The following MAPKAPK5 variants were observed in gnomAD, a reference collection of about 807,000 sequenced individuals.
The protein encoded by MAPKAPK5 is MAP kinase-activated protein kinase 5.
MAPKAPK5 carries 30 observed loss-of-function variants against 65.1 expected under a neutral mutation model. The ratio of observed to expected loss-of-function variants is 0.46; its 90% CI spans 0.34 to 0.63. The LOEUF (loss-of-function observed/expected upper bound fraction) is 0.63. MAPKAPK5 is among the 20% of genes least tolerant of loss of function. The probability of loss-of-function intolerance (pLI) is 0.01; values close to 1 mark genes in which losing one functional copy is unlikely to be tolerated. For synonymous variants in MAPKAPK5, 179 were observed against 204.6 expected, an observed-to-expected ratio of 0.87 and a Z score of 1.07; for missense variants, 433 against 581.4, an observed-to-expected ratio of 0.74 and a Z score of 2.63.
chr12:111,847,180 TA>T (rs922823787), intron 1 of MAPKAPK5, among the ~76,000 whole-genome samples: 21 of 150,660 alleles, frequency 1.4e-4, no homozygotes, highest in South Asian at 4.2e-4. Flanking sequence ...CCATCTCTAC[TA>T]AAAAAAACAA....
intron 7 of MAPKAPK5, among the ~76,000 whole-genome samples, chr12:111,872,892 A>G (rs936333141): frequency 2.0e-5 from 3 of 152,178 alleles, no homozygotes; most frequent in African/African-American, 7.2e-5. Context: ...TTGTTCTGCA[A>G]TACAAGGTAA....
At chr12:111,886,666 CT>C (rs1799987104) in intron 10 of MAPKAPK5, among the ~76,000 whole-genome samples, 1 of 152,212 alleles carries the variant, frequency 6.6e-6, no homozygotes, top group Admixed American at 6.5e-5. Flanking sequence ...ATAATTTGGC[CT>C]CACTAATGGG....
At chr12:111,857,660 A>AT (rs1402376809) in intron 1 of MAPKAPK5, among the ~76,000 whole-genome samples, 2 of 152,032 alleles carry the variant, frequency 1.3e-5, no homozygotes, top group African/African-American at 4.8e-5. Flanking sequence ...GTGTTTATTT[A>AT]TTTGATAATG....
chr12:111,870,331 G>GA lies in MAPKAPK5; in HGVS notation c.458dup (p.Asn153LysfsTer5). ...CATTGCGCACAGAGACCTCAAGCCT[G>GA]AAAATCTGCTTTTTAAGGATAACTC... On this transcript the variant is annotated frameshift_variant, in exon 6 of 14. Transcript: ENST00000550735. LOFTEE classifies it high-confidence loss of function. The GA allele has an allele frequency of 6.2e-7, 1 of 1,610,826 alleles. No homozygotes were observed. The highest frequency in any genetic ancestry group is 8.5e-7 in the Non-Finnish European group (1 of 1,177,328).
chr12:111,883,468 C>G lies in MAPKAPK5; in HGVS notation c.661-113C>G. 2 of 810,254 alleles carry G rather than the reference C, an allele frequency of 2.5e-6. No individual in the cohort carries two copies. The highest frequency in any genetic ancestry group is 5.0e-5 in the East Asian group (2 of 40,028). 50.2% of individuals were successfully genotyped at this position (810,254 alleles called of 1,614,324 possible). A position where few individuals can be genotyped will look rare whatever the true frequency, so the allele number is the denominator to read the frequency against. Reference sequence around the variant, plus strand: ...AGCTTTCCTAGTCTCTGTTAAGTGACTCTAGTTTATATCAGCCTATATATT... The same window carrying G: ...AGCTTTCCTAGTCTCTGTTAAGTGAGTCTAGTTTATATCAGCCTATATATT... On this transcript the variant is annotated intron_variant, in intron 8 of 13. Transcript: ENST00000550735. The surrounding 1 kb of genome is among the most constrained non-coding windows in gnomAD (Gnocchi z 4.8).
At chr12:111,871,369 G>A (rs548414968) in intron 7 of MAPKAPK5, among the ~76,000 whole-genome samples, 189 bp downstream of exon 7, 7 of 152,098 alleles carry the variant, frequency 4.6e-5, no homozygotes, top group East Asian at 3.9e-4. Context: ...AGCCAGGTGC[G>A]GTGGCTCACG....
At chr12:111,881,691 C>A (rs2136138918) in intron 8 of MAPKAPK5, among the ~76,000 whole-genome samples, 1 of 152,290 alleles carries the variant, frequency 6.6e-6, no homozygotes, top group East Asian at 1.9e-4. Context: ...CAGGCGTGAG[C>A]CACCGTGCCC....
intron 1 of MAPKAPK5, among the ~76,000 whole-genome samples, chr12:111,864,109 A>G (rs1281503082): frequency 1.3e-5 from 2 of 151,218 alleles, no homozygotes; most frequent in East Asian, 3.9e-4. Flanking sequence ...TCTCTAAAAA[A>G]AGAAAAAAGA....
In MAPKAPK5 at chr12:111,899,897, A is replaced by G. The variant is rs1050262572; in HGVS notation, c.*6836A>G. 8 of 455,942 alleles carry G rather than the reference A, an allele frequency of 1.8e-5. No individual in the cohort carries two copies. The highest frequency in any genetic ancestry group is 1.2e-4 in the Admixed American group (5 of 42,562). 28.2% of individuals were successfully genotyped at this position (455,942 alleles called of 1,614,324 possible). On this transcript the variant is annotated 3_prime_UTR_variant, in exon 14 of 14. Transcript: ENST00000550735. ...CTCCTGTGGTGTCTACTAGCTGGCA[A>G]CAAGGGAGCAGGAAGCCTCATGATC...
At position 111,893,713 on chromosome 12, in the gene MAPKAPK5, C is replaced by CT. The variant is rs1055678464; in HGVS notation, c.*671dup. On this transcript the variant is annotated 3_prime_UTR_variant, in exon 14 of 14. Coordinates refer to ENST00000550735, the MANE Select transcript of MAPKAPK5 (RefSeq NM_003668.4). ...AACAGGGTTTTCTTTTGGGTTTATT[C>CT]TTTTTTTTTTTTTTTTTTTGAGACA... 7,283 of 129,380 alleles carry CT rather than the reference C, an allele frequency of 0.056. 299 individuals carry two copies. Among genetic ancestry groups the CT allele is most frequent in the Middle Eastern group, 0.16 (38 of 244 alleles). 8.0% of individuals were successfully genotyped at this position (129,380 alleles called of 1,614,324 possible).
intron 2 of MAPKAPK5, among the ~76,000 whole-genome samples, chr12:111,865,915 A>G (rs926588857): frequency 2.7e-5 from 4 of 149,292 alleles, no homozygotes; most frequent in Admixed American, 6.7e-5. Context: ...TGAGGCCATT[A>G]TTTTTTCATT....
rs1300203779 is a variant in MAPKAPK5, at chr12:111,868,804, C to T, written c.336C>T (p.His112=). 2 of 1,569,382 alleles carry T rather than the reference C, an allele frequency of 1.3e-6. No individual in the cohort carries two copies. The highest frequency in any genetic ancestry group is 1.7e-6 in the Non-Finnish European group (2 of 1,157,526). The stretch of plus-strand genomic sequence containing the variant: ...TGATGGAAGGGGGAGAGCTATTTCA[C>T]AGAATCAGCCAGCACCGGCACTTTA... ...MEMMEGGELF[H]RISQHRHFTE... Residue 112 remains histidine (H), a synonymous_variant, in exon 5 of 14, where the codon CAC becomes CAT. Coordinates refer to ENST00000550735, the MANE Select transcript of MAPKAPK5 (RefSeq NM_003668.4).
At position 111,892,856 on chromosome 12, in the gene MAPKAPK5, C is replaced by A. The variant is rs936079847; in HGVS notation, c.1322-111C>A. 5 of 650,502 alleles carry A rather than the reference C, an allele frequency of 7.7e-6. No individual in the cohort carries two copies. In the Admixed American group the frequency reaches 1.5e-4, roughly 20 times the overall value. The allele number at this position is 650,502 out of a possible 1,614,324, so 40.3% of individuals were successfully genotyped here. A position where few individuals can be genotyped will look rare whatever the true frequency, so the allele number is the denominator to read the frequency against. ...ATCAGTGGTGGGGGTGGTTCCCCCA[C>A]TGGTGAGGGTGAATTTGATACTGGT... On this transcript the variant is annotated intron_variant, in intron 13 of 13. Coordinates refer to ENST00000550735, the MANE Select transcript of MAPKAPK5 (RefSeq NM_003668.4).
chr12:111,888,010 T>C (rs906669436), intron 10 of MAPKAPK5: 16 of 164,088 alleles, frequency 9.8e-5, no homozygotes, highest in Non-Finnish European at 1.7e-4. Flanking sequence ...CCATGACAGC[T>C]ATTTCTCACT....
At chr12:111,849,540 G>A (rs7134084) in intron 1 of MAPKAPK5, among the ~76,000 whole-genome samples, 29,734 of 152,114 alleles carry the variant, frequency 0.2, 3,121 homozygotes, top group Middle Eastern at 0.27. Flanking sequence ...GGGATTGCAG[G>A]CGTCAGCCAC....
chr12:111,862,869 G>A (rs1034678418), intron 1 of MAPKAPK5, among the ~76,000 whole-genome samples: 5 of 152,110 alleles, frequency 3.3e-5, no homozygotes, highest in Admixed American at 6.6e-5. Context: ...TTTTTACCAC[G>A]ATGCTTAAAT....
chr12:111,891,718 A>G (rs537230398), intron 13 of MAPKAPK5, among the ~76,000 whole-genome samples: 1 of 151,654 alleles, frequency 6.6e-6, no homozygotes, highest in Non-Finnish European at 1.5e-5. Flanking sequence ...GAGGCAGGAG[A>G]ATCGCTTGAA....
At chr12:111,876,444 A>C (rs1345210762) in intron 7 of MAPKAPK5, among the ~76,000 whole-genome samples, 11 of 151,894 alleles carry the variant, frequency 7.2e-5, no homozygotes, top group Non-Finnish European at 1.3e-4. Flanking sequence ...AAGCACATGT[A>C]CCCCTGAACC....
At chr12:111,871,237 G>T (rs1359322313) in intron 7 of MAPKAPK5, 57 bp downstream of exon 7, 9 of 1,424,780 alleles carry the variant, frequency 6.3e-6, no homozygotes, top group Non-Finnish European at 8.9e-6. Context: ...ATCAACTCGT[G>T]TTCCTTCTAT....
Sources: allele counts gnomAD v4.1 joint callset (sites outside exome capture counted in the v4.1 genomes callset), GRCh38; gene constraint gnomAD v4.1.1; non-coding constraint Gnocchi (gnomAD v3.1); transcripts MANE v1.5; gene names NCBI Gene and HGNC (gene_info 2026-07-23, HGNC 2026-07-21).